Variants in EPHA6 observed in about 807,000 individuals in gnomAD.
EPHA6 encodes EPH receptor A6.
EPHA6 carries 50 observed loss-of-function variants against 112.0 expected under a neutral mutation model. The ratio of observed to expected loss-of-function variants is 0.45; its 90% CI spans 0.36 to 0.56. EPHA6 has a LOEUF of 0.56. Among genes scored for constraint, EPHA6 ranks in the 20% least tolerant of loss-of-function variants. The pLI, the probability that EPHA6 is intolerant of heterozygous loss-of-function variation, is 0.00. For synonymous variants in EPHA6, 529 were observed against 490.7 expected, an observed-to-expected ratio of 1.08 and a Z score of -1.03; for missense variants, 1,280 against 1,417.4, an observed-to-expected ratio of 0.90 and a Z score of 1.56.
intron 5 of EPHA6, among the ~76,000 whole-genome samples, chr3:97,343,694 A>G (rs1038457646): frequency 6.6e-6 from 1 of 152,168 alleles, no homozygotes; most frequent in African/African-American, 2.4e-5. Flanking sequence ...GTGAGACCAA[A>G]TGAAGGAAAA....
At chr3:97,047,228 C>T (rs1313245065) in intron 3 of EPHA6, among the ~76,000 whole-genome samples, 2 of 151,910 alleles carry the variant, frequency 1.3e-5, no homozygotes, top group East Asian at 1.9e-4. Flanking sequence ...GGGCCGGGCA[C>T]AGTGGCTCAT....
chr3:97,561,981 G>A (rs1186398702), intron 11 of EPHA6, among the ~76,000 whole-genome samples: 1 of 152,008 alleles, frequency 6.6e-6, no homozygotes, highest in East Asian at 1.9e-4. Flanking sequence ...TTATAGCCTG[G>A]TTTACTAAAT....
At chr3:97,020,515 A>G (rs544053213) in intron 3 of EPHA6, among the ~76,000 whole-genome samples, 2 of 152,306 alleles carry the variant, frequency 1.3e-5, no homozygotes, top group African/African-American at 4.8e-5. Flanking sequence ...AAAATGCAGG[A>G]TGGAGAGACA....
At chr3:97,356,135 T>C (rs1296880891) in intron 5 of EPHA6, among the ~76,000 whole-genome samples, 1 of 152,166 alleles carries the variant, frequency 6.6e-6, no homozygotes, top group Non-Finnish European at 1.5e-5. Flanking sequence ...CAGATTCTCA[T>C]AGGAGTGTGA....
At chr3:97,328,179 T>G (rs2082578908) in intron 5 of EPHA6, among the ~76,000 whole-genome samples, 1 of 151,424 alleles carries the variant, frequency 6.6e-6, no homozygotes, top group Non-Finnish European at 1.5e-5. Flanking sequence ...CACAGGTTTT[T>G]GTGTGAACAT....
At chr3:96,842,514 T>C (rs1423893726) in intron 1 of EPHA6, among the ~76,000 whole-genome samples, 2 of 152,084 alleles carry the variant, frequency 1.3e-5, no homozygotes, top group East Asian at 3.9e-4. Context: ...ATTATTTCTT[T>C]AGCACTACAT....
intron 3 of EPHA6, among the ~76,000 whole-genome samples, chr3:97,060,817 C>T (rs1009159223): frequency 2.0e-5 from 3 of 148,288 alleles, no homozygotes; most frequent in Admixed American, 6.9e-5. Context: ...CCAGCTACTC[C>T]GGAGGCTGAG....
intron 10 of EPHA6, among the ~76,000 whole-genome samples, chr3:97,492,509 TC>T (rs1476144021): frequency 1.7e-5 from 2 of 119,438 alleles, no homozygotes; most frequent in East Asian, 5.8e-4. Context: ...GCCACTGCAC[TC>T]CATCCTGGGT....
chr3:97,241,099 C>G (rs1487798703), intron 4 of EPHA6, among the ~76,000 whole-genome samples: 2 of 150,396 alleles, frequency 1.3e-5, no homozygotes, highest in Admixed American at 1.3e-4. Flanking sequence ...GTAAGTTTTA[C>G]TGGTAGAGCA....
chr3:97,383,541 T>A (rs549968367), intron 5 of EPHA6, among the ~76,000 whole-genome samples: 112 of 152,230 alleles, frequency 7.4e-4, no homozygotes, highest in Non-Finnish European at 1.4e-3. Context: ...GTCTATTCAC[T>A]GATGTACAAT....
chr3:97,482,786 C>T (rs1047185012), intron 9 of EPHA6, among the ~76,000 whole-genome samples: 1 of 152,158 alleles, frequency 6.6e-6, no homozygotes, highest in Non-Finnish European at 1.5e-5. Context: ...AGCAACAAAA[C>T]CAAATACCAT....
rs1349866608 is a variant in EPHA6 at position 97,752,724 on chromosome 3, G to C, written c.*4023G>C. Among the ~76,000 whole-genome samples the C allele has an allele frequency of 6.6e-6, 1 of 152,078 alleles. No individual in the cohort carries two copies. The highest frequency in any genetic ancestry group is 1.5e-5 in the Non-Finnish European group (1 of 67,972). On this transcript the variant is annotated 3_prime_UTR_variant, in exon 18 of 18. Transcript: ENST00000389672. ...TAACTTGAAATCAAGTTTTTGGAAA[G>C]TAATTTTGAAATGGATGATGATGAT...
chr3:97,519,040 G>A (rs1014564565), intron 10 of EPHA6, among the ~76,000 whole-genome samples: 8 of 151,892 alleles, frequency 5.3e-5, no homozygotes, highest in African/African-American at 9.7e-5. Context: ...ATGCCTGTGC[G>A]TTTAAGTACT....
At chr3:97,721,654 T>G (rs1021607360) in intron 15 of EPHA6, among the ~76,000 whole-genome samples, 5 of 152,170 alleles carry the variant, frequency 3.3e-5, no homozygotes. Context: ...AAGTGCATCA[T>G]AACCAGCAAC....
chr3:97,451,592 T>TA (rs36039216), intron 7 of EPHA6, among the ~76,000 whole-genome samples: 1,573 of 132,072 alleles, frequency 0.012, 8 homozygotes, highest in East Asian at 0.026. Flanking sequence ...AAAGGATCAT[T>TA]AAAAAAAAAA....
intron 5 of EPHA6, among the ~76,000 whole-genome samples, chr3:97,307,099 G>C (rs2081352677): frequency 6.6e-6 from 1 of 151,576 alleles, no homozygotes; most frequent in East Asian, 1.9e-4. Flanking sequence ...CTCTTTCTCT[G>C]CATATTCCTA....
chr3:97,433,669 A>T (rs1177790415), intron 6 of EPHA6, among the ~76,000 whole-genome samples: 1 of 152,164 alleles, frequency 6.6e-6, no homozygotes, highest in African/African-American at 2.4e-5. Flanking sequence ...AAAAATGTAT[A>T]TCAAATATAT....
chr3:97,464,633 C>T (rs1363403829), intron 7 of EPHA6, among the ~76,000 whole-genome samples: 1 of 151,984 alleles, frequency 6.6e-6, no homozygotes, highest in African/African-American at 2.4e-5. Flanking sequence ...CAGAGTCCCC[C>T]ACCACAGGAT....
At chr3:97,700,004 G>A (rs1350050843) in intron 14 of EPHA6, among the ~76,000 whole-genome samples, 1 of 152,164 alleles carries the variant, frequency 6.6e-6, no homozygotes, top group African/African-American at 2.4e-5. Flanking sequence ...CAAAACCAGG[G>A]CAACTGGATG....
Sources: allele counts gnomAD v4.1 joint callset (sites outside exome capture counted in the v4.1 genomes callset), GRCh38; gene constraint gnomAD v4.1.1; transcripts MANE v1.5; gene names NCBI Gene and HGNC (gene_info 2026-07-23, HGNC 2026-07-21).